The following SHQ1 variants were observed in gnomAD, a reference collection of about 807,000 sequenced individuals.
SHQ1 encodes SHQ1, H/ACA ribonucleoprotein assembly factor.
In SHQ1, 49 loss-of-function variants were observed where a neutral mutation model predicts 53.8. The ratio of observed to expected loss-of-function variants is 0.91; its 90% CI spans 0.72 to 1.16. The LOEUF (loss-of-function observed/expected upper bound fraction) is 1.16, where lower values mean the gene tolerates loss of function less well. SHQ1 is among the 50% of genes most tolerant of loss of function. The pLI, the probability that SHQ1 is intolerant of heterozygous loss-of-function variation, is 0.00. For missense variants in SHQ1, 738 were observed against 683.1 expected (o/e 1.08, Z -0.90); for synonymous variants, 243 against 251.0 (o/e 0.97, Z 0.30).
At chr3:72,806,263 AGGAGTTAACTCCTGC>A (rs1575708129) in intron 9 of SHQ1, among the ~76,000 whole-genome samples, 1 of 152,206 alleles carries the variant, frequency 6.6e-6, no homozygotes, top group African/African-American at 2.4e-5. Flanking sequence ...CATGATTTCC[AGGAGTTAACTCCTGC>A]TGTACTCTGA....
chr3:72,834,105 C>T (rs1342297117), intron 4 of SHQ1, among the ~76,000 whole-genome samples: 1 of 152,228 alleles, frequency 6.6e-6, no homozygotes, highest in Non-Finnish European at 1.5e-5. Flanking sequence ...CCTCTCCAAT[C>T]AAAATTTCCA....
chr3:72,830,401 C>G (rs946635247), intron 5 of SHQ1, among the ~76,000 whole-genome samples: 3 of 151,866 alleles, frequency 2.0e-5, no homozygotes, highest in Non-Finnish European at 4.4e-5. Flanking sequence ...ATATTATATA[C>G]ATTATGTATT....
chr3:72,742,619 C>CT, the SHQ1 span, among the ~76,000 whole-genome samples: 13,544 of 128,288 alleles, frequency 0.11, 1,327 homozygotes, highest in African/African-American at 0.24. Flanking sequence ...TTCTTTTTTT[C>CT]TTTTTTTTTT....
intron 10 of SHQ1, among the ~76,000 whole-genome samples, chr3:72,785,676 A>G (rs1057018670): frequency 3.3e-5 from 5 of 152,238 alleles, no homozygotes; most frequent in Non-Finnish European, 7.3e-5. Context: ...TATACACTGT[A>G]GCTAGAACAA....
Position 72,842,322 on chromosome 3 carries a change from G to A in SHQ1, c.289C>T (p.Pro97Ser). Residue 97 changes from proline (P) to serine (S), a missense_variant, in exon 3 of 11, where the codon CCA (proline) becomes TCA (serine). Transcript: ENST00000325599. ...GGTTTTGCTGTCCTGGATTTTCTTG[G>A]TGCCAGAAGAGCAGTTAACATGTTC... ...GLNMLTALLA[P>S]RKSRTAKPLV... 6.2e-7 allele frequency: 1 copy of A among 1,613,538 alleles called. No individual in the cohort carries two copies. The highest frequency in any genetic ancestry group is 8.5e-7 in the Non-Finnish European group (1 of 1,179,718).
the SHQ1 span, among the ~76,000 whole-genome samples, chr3:72,735,077 A>C: frequency 6.6e-6 from 1 of 151,712 alleles, no homozygotes; most frequent in South Asian, 2.1e-4. Flanking sequence ...AAGCTTGGGC[A>C]ATATTTCAAT....
At chr3:72,754,876 T>C (rs560421569) in intron 10 of SHQ1, among the ~76,000 whole-genome samples, 78 of 152,322 alleles carry the variant, frequency 5.1e-4, no homozygotes, top group African/African-American at 1.9e-3. Flanking sequence ...AAAACAAGGG[T>C]AAAATTTGAA....
At chr3:72,763,058 C>CAG (rs1553689138) in intron 10 of SHQ1, among the ~76,000 whole-genome samples, 1 of 134,644 alleles carries the variant, frequency 7.4e-6, no homozygotes, top group African/African-American at 3.5e-5. Context: ...CACACACACA[C>CAG]ACACAGAGAG....
At position 72,841,165 on chromosome 3, in the gene SHQ1, A is replaced by G. The variant is rs1708169595; in HGVS notation, c.366T>C (p.Asp122=). Reference sequence around the variant, plus strand: ...GCTCAATTTCCCAATCAAACTCTTCATCGTCAACTACTTCCTCAGGAATCT... The same window carrying G: ...GCTCAATTTCCCAATCAAACTCTTCGTCGTCAACTACTTCCTCAGGAATCT... ...ASEIPEEVVD[D]EEFDWEIEQT... is the part of the protein sequence containing the mutation. The change falls in exon 4 of 11, where the codon GAT becomes GAC. Residue 122 remains aspartate, a synonymous_variant. Coordinates refer to ENST00000325599, the MANE Select transcript of SHQ1 (RefSeq NM_018130.3). 6.8e-6 allele frequency: 11 copies of G among 1,613,572 alleles called. No homozygotes were observed. The highest frequency in any genetic ancestry group is 9.3e-6 in the Non-Finnish European group (11 of 1,179,836).
chr3:72,846,218 G>A (rs1273957337), intron 1 of SHQ1: 1 of 1,535,610 alleles, frequency 6.5e-7, no homozygotes, highest in Non-Finnish European at 8.7e-7. Context: ...TGCTTACATG[G>A]GGCCTCCGCA....
At chr3:72,839,576 TA>T in intron 4 of SHQ1, among the ~76,000 whole-genome samples, 1 of 152,280 alleles carries the variant, frequency 6.6e-6, no homozygotes, top group South Asian at 2.1e-4. Context: ...CCTTATAAAG[TA>T]GGTGGGCAAA....
At position 72,848,307 on chromosome 3, in the gene SHQ1, G is replaced by C. The variant is rs759093041; in HGVS notation, c.34C>G (p.Pro12Ala). Residue 12 changes from proline to alanine, a missense_variant, in exon 1 of 11, where the codon CCG becomes GCG. Physicochemically the swap from Pro to Ala is conservative, Grantham distance 27. Transcript: ENST00000325599. ...CGGATGGCGATAGTCAGGAAGTCCGGATCCTGGCTGAGGTCGAACGCCGGG... is the reference window on the plus strand; with the variant it reads ...CGGATGGCGATAGTCAGGAAGTCCGCATCCTGGCTGAGGTCGAACGCCGGG... ...LTPAFDLSQD[P>A]DFLTIAIRVP... The C allele has an allele frequency of 1.2e-6, 2 of 1,614,142 alleles. No individual in the cohort carries two copies. The highest frequency in any genetic ancestry group is 2.2e-5 in the East Asian group (1 of 44,856).
chr3:72,818,055 A>G lies in SHQ1; in HGVS notation c.728-671T>C, dbSNP rs199951791. Among the ~76,000 whole-genome samples, 4 of 151,892 alleles carry G rather than the reference A, an allele frequency of 2.6e-5. No homozygotes were observed. In the East Asian group the frequency reaches 7.8e-4, roughly 29 times the overall value. On this transcript the variant is annotated intron_variant, in intron 6 of 10. Coordinates refer to ENST00000325599, the MANE Select transcript of SHQ1 (RefSeq NM_018130.3). ...CTCTCACACACTGAAAATCTAGTATATACCATTCCATAGTTTTCTCTAGAC... is the reference window on the plus strand; with the variant it reads ...CTCTCACACACTGAAAATCTAGTATGTACCATTCCATAGTTTTCTCTAGAC...
At chr3:72,775,210 GAGAC>G (rs1173483387) in intron 10 of SHQ1, among the ~76,000 whole-genome samples, 4 of 152,126 alleles carry the variant, frequency 2.6e-5, no homozygotes, top group Non-Finnish European at 4.4e-5. Flanking sequence ...AACAAAGAGA[GAGAC>G]AGCATGATTA....
chr3:72,815,248 TA>T, intron 8 of SHQ1, 101 bp downstream of exon 8: 1 of 946,062 alleles, frequency 1.1e-6, no homozygotes, highest in Non-Finnish European at 1.7e-6. Flanking sequence ...CTTCTACTTT[TA>T]AAAATTCAAG....
chr3:72,817,345 A>G lies in SHQ1; in HGVS notation c.767T>C (p.Phe256Ser), dbSNP rs776695043. The G allele has an allele frequency of 6.2e-7, 1 of 1,612,704 alleles. No homozygotes were observed. Among genetic ancestry groups the G allele is most frequent in the African/African-American group, 1.3e-5 (1 of 74,868 alleles). ...SEEEKYQLRK[F>S]VNKSYLLDKR... ...GTCCAGCAGATAAGATTTATTGACA[A>G]ATTTTCGTAGCTGATACTTCTCTTC... Residue 256 changes from phenylalanine (F) to serine (S), a missense_variant, in exon 7 of 11, where the codon TTT (phenylalanine) becomes TCT (serine). Transcript: ENST00000325599.
chr3:72,750,412 CA>C lies in SHQ1; in HGVS notation c.1605del (p.Pro537LeufsTer2), dbSNP rs1470993434. On this transcript the variant is annotated frameshift_variant, in exon 11 of 11. Transcript: ENST00000325599. LOFTEE classifies it low-confidence loss of function (END_TRUNC). The stretch of plus-strand genomic sequence containing the variant: ...TCCCCAAGCTCCTCTATCAGAGGCC[CA>C]GACACTCCAAGAGGCCAGGAAGAGG... ...PLASSWPLGV[S>X]GPLIEELGEQ... 3.7e-6 allele frequency: 6 copies of C among 1,614,182 alleles called. No individual in the cohort carries two copies. The East Asian group carries it at 1.3e-4, about 36-fold the overall frequency.
At chr3:72,820,127 A>T (rs142941545) in intron 6 of SHQ1, among the ~76,000 whole-genome samples, 1 of 152,356 alleles carries the variant, frequency 6.6e-6, no homozygotes, top group East Asian at 1.9e-4. Context: ...ACTATTTAGC[A>T]ACATGTCAAC....
intron 10 of SHQ1, among the ~76,000 whole-genome samples, chr3:72,751,504 G>A (rs1206069117): frequency 0.17 from 19,042 of 114,112 alleles, 2,094 homozygotes; most frequent in African/African-American, 0.23. Context: ...GTGTGTGTGT[G>A]TGTGTATATA....
Sources: allele counts gnomAD v4.1 joint callset (sites outside exome capture counted in the v4.1 genomes callset), GRCh38; gene constraint gnomAD v4.1.1; transcripts MANE v1.5; gene names NCBI Gene and HGNC (gene_info 2026-07-23, HGNC 2026-07-21).